SYNE2: variants seen among roughly 807,000 people sequenced by gnomAD.
SYNE2 encodes the protein spectrin repeat containing nuclear envelope protein 2.
Under a neutral mutation model 856.3 loss-of-function variants are expected in SYNE2, and 431 were observed. The observed-to-expected ratio is 0.50, with a 90% CI of 0.47 to 0.55. SYNE2 has a LOEUF of 0.55. SYNE2 is among the 20% of genes least tolerant of loss of function. The pLI is 0.00. For missense variants in SYNE2, 8,129 were observed against 8,023.2 expected (o/e 1.01, Z -0.50); for synonymous variants, 2,923 against 2,872.3 (o/e 1.02, Z -0.56).
chr14:64,036,024 T>A (rs1233630572), intron 45 of SYNE2, among the ~76,000 whole-genome samples: 1 of 152,124 alleles, frequency 6.6e-6, no homozygotes, highest in Non-Finnish European at 1.5e-5. Context: ...GTTTGAGGAA[T>A]GTAGGATTAA....
In SYNE2 at chr14:64,021,416, G is replaced by A. The variant is rs375022006; in HGVS notation, c.5253G>A (p.Arg1751=). The A allele has an allele frequency of 3.1e-5, 50 of 1,613,994 alleles. No homozygotes were observed. The highest frequency in any genetic ancestry group is 3.8e-5 in the Non-Finnish European group (45 of 1,180,030). ...TCAGTGGCAGCACTGCTGAGCTAAG[G>A]GAGGATCTCGACCAAGCCAAGACCC... ...HALSGSTAEL[R]EDLDQAKTQI... The change falls in exon 36 of 116, where the codon AGG becomes AGA. Residue 1751 remains arginine, a synonymous_variant. Transcript: ENST00000555002.
chr14:63,978,586 A>G (rs184948912), intron 13 of SYNE2, among the ~76,000 whole-genome samples: 272 of 152,306 alleles, frequency 1.8e-3, no homozygotes, highest in South Asian at 3.3e-3. Flanking sequence ...ATAGATCAGC[A>G]TTTTATTACA....
intron 1 of SYNE2, among the ~76,000 whole-genome samples, chr14:63,804,812 G>GTTTTTTATA (rs1333690640): frequency 1.3e-5 from 2 of 152,082 alleles, no homozygotes; most frequent in Non-Finnish European, 2.9e-5. Flanking sequence ...TTTTCTTCTA[G>GTTTTTTATA]GGTTTTTATA....
intron 2 of SYNE2, among the ~76,000 whole-genome samples, chr14:63,911,308 C>G (rs1451792015): frequency 1.3e-5 from 2 of 152,198 alleles, no homozygotes; most frequent in Non-Finnish European, 2.9e-5. Context: ...CCTGTGAGCT[C>G]TGCTCTCTCT....
chr14:64,022,736 T>A lies in SYNE2; in HGVS notation c.5525-15T>A, dbSNP rs1244274253. 7.3e-7 allele frequency: 1 copy of A among 1,372,226 alleles called. No homozygotes were observed. Among genetic ancestry groups the A allele is most frequent in the Non-Finnish European group, 1.0e-6 (1 of 964,128 alleles). 85.0% of individuals were successfully genotyped at this position (1,372,226 alleles called of 1,614,324 possible). ...TCTTCCTTGAATGAATAGAGCTTTT[T>A]TTTTCCCCCTGCAGATCAATGCAAG... On this transcript the variant is annotated splice_polypyrimidine_tract_variant and intron_variant, in intron 37 of 115. Coordinates refer to ENST00000555002, the MANE Select transcript of SYNE2 (RefSeq NM_182914.3).
At chr14:64,174,783 G>A (rs1026040416) in intron 94 of SYNE2, among the ~76,000 whole-genome samples, 161 bp from the exon 95 acceptor site, 6 of 152,104 alleles carry the variant, frequency 3.9e-5, no homozygotes. Context: ...TAAAACATTA[G>A]CTTTTGATGT....
chr14:63,954,376 C>T (rs2096212821), intron 7 of SYNE2, among the ~76,000 whole-genome samples: 2 of 152,126 alleles, frequency 1.3e-5, no homozygotes, highest in African/African-American at 4.8e-5. Context: ...ATCATTATCT[C>T]CTGGAGGGCT....
rs2097032661 is a variant in SYNE2 at position 64,031,330 on chromosome 14, G to A, written c.7194G>A (p.Lys2398=). Reference sequence around the variant, plus strand: ...CTCAGGAATCAGCTGCAGTGGAAAAGTTGGAGGAAGACTGGGAAATAAACA... The same window carrying A: ...CTCAGGAATCAGCTGCAGTGGAAAAATTGGAGGAAGACTGGGAAATAAACA... The part of the protein sequence containing the change: ...ESTQESAAVE[K]LEEDWEINKD... Residue 2398 remains lysine (K), a synonymous_variant, in exon 45 of 116, where the codon AAG becomes AAA. Transcript: ENST00000555002. 6.2e-7 allele frequency: 1 copy of A among 1,614,146 alleles called. No homozygotes were observed.
intron 1 of SYNE2, among the ~76,000 whole-genome samples, chr14:63,867,027 C>G (rs539239471): frequency 3.3e-4 from 51 of 152,332 alleles, no homozygotes; most frequent in Admixed American, 5.9e-4. Context: ...CATGCACCAT[C>G]TCTTTGATCC....
chr14:64,017,254 G>A (rs191305119), intron 33 of SYNE2, among the ~76,000 whole-genome samples: 2 of 149,286 alleles, frequency 1.3e-5, no homozygotes, highest in African/African-American at 2.5e-5. Context: ...GCGTGAACTC[G>A]GGAGGCGGAG....
At chr14:63,819,279 C>T (rs1364315053) in intron 1 of SYNE2, among the ~76,000 whole-genome samples, 1 of 151,630 alleles carries the variant, frequency 6.6e-6, no homozygotes, top group Non-Finnish European at 1.5e-5. Flanking sequence ...TTGGCCAGGC[C>T]ACAGTGCAAT....
rs1409906566 is a variant in SYNE2, at chr14:64,209,052, G to GCC, written c.18389+108_18389+109dup. On this transcript the variant is annotated intron_variant, in intron 101 of 115. Coordinates refer to ENST00000555002, the MANE Select transcript of SYNE2 (RefSeq NM_182914.3). ...TTCTGTTCATTTCACTTAGAAATGC[G>GCC]CCAGGTATTGGCAGAGAAGGCCCAA... 29 of 1,375,502 alleles carry GCC rather than the reference G, an allele frequency of 2.1e-5. No individual in the cohort carries two copies. In the Admixed American group the frequency reaches 3.3e-4, roughly 16 times the overall value. The allele number at this position is 1,375,502 out of a possible 1,614,324, so 85.2% of individuals were successfully genotyped here. A position where few individuals can be genotyped will look rare whatever the true frequency, so the allele number is the denominator to read the frequency against.
Position 64,078,527 on chromosome 14 carries a change from T to G in SYNE2, c.11084T>G (p.Ile3695Ser). ...GCAATGAGGAGAAAAATAGAAGAAATTAACAATGGGCTTCATAATGTTGAA... is the reference window on the plus strand; with the variant it reads ...GCAATGAGGAGAAAAATAGAAGAAAGTAACAATGGGCTTCATAATGTTGAA... The part of the protein sequence containing the change: ...SYAMRRKIEE[I>S]NNGLHNVEKM... Residue 3695 changes from isoleucine (I) to serine (S), a missense_variant, in exon 55 of 116, where the codon ATT becomes AGT. By Grantham distance (142) the Ile-to-Ser change is moderately radical. This residue lies in a region of SYNE2 where 5,410 missense variants were observed against 5,284.8 expected (regional missense o/e 1.02). Coordinates refer to ENST00000555002, the MANE Select transcript of SYNE2 (RefSeq NM_182914.3). 4 of 1,614,072 alleles carry G rather than the reference T, an allele frequency of 2.5e-6. No homozygotes were observed. Among genetic ancestry groups the G allele is most frequent in the Non-Finnish European group, 3.4e-6 (4 of 1,179,972 alleles).
intron 57 of SYNE2, 184 bp from the exon 58 acceptor site, chr14:64,087,481 TATACAG>T (rs1309998556): frequency 7.9e-6 from 6 of 759,270 alleles, no homozygotes; most frequent in African/African-American, 5.1e-5. Flanking sequence ...ATGTTACAGT[TATACAG>T]GTAGATACTC....
At chr14:63,923,329 G>C (rs553490025) in intron 2 of SYNE2, among the ~76,000 whole-genome samples, 1 of 152,228 alleles carries the variant, frequency 6.6e-6, no homozygotes, top group African/African-American at 2.4e-5. Flanking sequence ...GTTTACACAA[G>C]GGTGTGGTTT....
At chr14:63,969,446 G>C in intron 11 of SYNE2, among the ~76,000 whole-genome samples, 1 of 148,926 alleles carries the variant, frequency 6.7e-6, no homozygotes, top group East Asian at 2.0e-4. Context: ...GGATTCAAGT[G>C]ATTCTTTGCC....
chr14:64,104,598 C>T (rs1264467295), intron 64 of SYNE2, among the ~76,000 whole-genome samples: 2 of 151,934 alleles, frequency 1.3e-5, no homozygotes, highest in African/African-American at 2.4e-5. Flanking sequence ...TACAGGTGCC[C>T]GCCACCATGC....
intron 99 of SYNE2, among the ~76,000 whole-genome samples, chr14:64,195,188 G>A (rs1010882154): frequency 1.3e-5 from 2 of 152,088 alleles, no homozygotes; most frequent in Non-Finnish European, 2.9e-5. Flanking sequence ...GATACAGGTT[G>A]GACAGCGAAG....
At chr14:63,810,925 C>G (rs1888591229) in intron 1 of SYNE2, among the ~76,000 whole-genome samples, 1 of 152,134 alleles carries the variant, frequency 6.6e-6, no homozygotes, top group East Asian at 1.9e-4. Flanking sequence ...ACCTCTGCCT[C>G]CTGGGTTCAA....
Sources: allele counts gnomAD v4.1 joint callset (sites outside exome capture counted in the v4.1 genomes callset), GRCh38; gene constraint gnomAD v4.1.1; regional missense constraint gnomAD v4.1.1; transcripts MANE v1.5; gene names NCBI Gene and HGNC (gene_info 2026-07-23, HGNC 2026-07-21).